Variants in MGMT observed in about 807,000 individuals in gnomAD.
The protein encoded by MGMT is methylated-DNA--protein-cysteine methyltransferase.
MGMT carries 14 observed loss-of-function variants against 15.9 expected under a neutral mutation model. The observed-to-expected ratio is 0.88, with a 90% confidence interval of 0.58 to 1.37. MGMT has a LOEUF of 1.37. Among genes scored for constraint, MGMT ranks in the 40% most tolerant of loss-of-function variants. The pLI is 0.00. For synonymous variants in MGMT, 130 were observed against 118.2 expected, an observed-to-expected ratio of 1.10 and a Z score of -0.65; for missense variants, 282 against 268.1, an observed-to-expected ratio of 1.05 and a Z score of -0.36.
At chr10:129,719,421 A>T (rs1354196947) in intron 3 of MGMT, among the ~76,000 whole-genome samples, 1 of 152,220 alleles carries the variant, frequency 6.6e-6, no homozygotes, top group Non-Finnish European at 1.5e-5. Flanking sequence ...GGCTGCCAAA[A>T]CAAAGTGATG....
intron 1 of MGMT, among the ~76,000 whole-genome samples, chr10:129,505,715 G>T (rs898210116): frequency 6.6e-6 from 1 of 152,162 alleles, no homozygotes; most frequent in African/African-American, 2.4e-5. Context: ...GACAGCTTTT[G>T]TAAAGTTTCA....
chr10:129,711,372 T>G lies in MGMT; in HGVS notation c.274+3329T>G, dbSNP rs532183946. On this transcript the variant is annotated intron_variant, in intron 3 of 4. Coordinates refer to ENST00000651593, the MANE Select transcript of MGMT (RefSeq NM_002412.5). ...AGACAGGTTAGTAGCTAGGTAGCTGTTGAAGTATTTCTGCCAAGGGACAGT... is the reference window on the plus strand; with the variant it reads ...AGACAGGTTAGTAGCTAGGTAGCTGGTGAAGTATTTCTGCCAAGGGACAGT... Among the ~76,000 whole-genome samples the G allele has an allele frequency of 5.3e-5, 8 of 152,360 alleles. No homozygotes were observed. The East Asian group carries it at 1.5e-3, about 29-fold the overall frequency.
intron 4 of MGMT, among the ~76,000 whole-genome samples, chr10:129,760,177 G>C (rs940021411): frequency 6.6e-6 from 1 of 152,202 alleles, no homozygotes; most frequent in East Asian, 1.9e-4. Context: ...GCTGGGCCGC[G>C]GGCCATCTGG....
chr10:129,606,487 G>A (rs1243086289), intron 2 of MGMT, among the ~76,000 whole-genome samples: 1 of 152,222 alleles, frequency 6.6e-6, no homozygotes, highest in African/African-American at 2.4e-5. Flanking sequence ...TAAACATGCT[G>A]TGGGCACCGA....
chr10:129,489,392 G>A (rs997891403), intron 1 of MGMT, among the ~76,000 whole-genome samples: 3 of 147,310 alleles, frequency 2.0e-5, no homozygotes, highest in African/African-American at 7.6e-5. Context: ...AAAAATTGGT[G>A]AGTAAATCCT....
At chr10:129,548,448 T>C (rs1846120241) in intron 2 of MGMT, among the ~76,000 whole-genome samples, 1 of 152,264 alleles carries the variant, frequency 6.6e-6, no homozygotes, top group Non-Finnish European at 1.5e-5. Flanking sequence ...TATTTTATCC[T>C]TTTCAGTGGC....
At chr10:129,539,078 C>G (rs1388000312) in intron 2 of MGMT, among the ~76,000 whole-genome samples, 1 of 152,012 alleles carries the variant, frequency 6.6e-6, no homozygotes, top group Non-Finnish European at 1.5e-5. Flanking sequence ...TTTTGTTTTT[C>G]CAATAGTGTC....
chr10:129,759,557 G>C lies in MGMT; in HGVS notation c.414+216G>C, dbSNP rs562018660. 1.2e-4 allele frequency among the ~76,000 whole-genome samples: 19 copies of C among 152,272 alleles called. No homozygotes were observed. In the South Asian group the frequency reaches 2.3e-3, roughly 18 times the overall value. ...TCCTGGAAGCTCCCCCCTACCGGGAGCACATCTCCACTGCATGAGCTCCTG... is the reference window on the plus strand; with the variant it reads ...TCCTGGAAGCTCCCCCCTACCGGGACCACATCTCCACTGCATGAGCTCCTG... On this transcript the variant is annotated intron_variant, in intron 4 of 4. Coordinates refer to ENST00000651593, the MANE Select transcript of MGMT (RefSeq NM_002412.5).
chr10:129,547,724 GCT>G (rs1384690813), intron 2 of MGMT, among the ~76,000 whole-genome samples: 1 of 152,220 alleles, frequency 6.6e-6, no homozygotes, highest in Admixed American at 6.5e-5. Flanking sequence ...ATTAGGAAAT[GCT>G]CTGTCTCTGC....
At chr10:129,694,341 G>A (rs1280163072) in intron 2 of MGMT, 1 of 152,266 alleles carries the variant, frequency 6.6e-6, no homozygotes, top group Non-Finnish European at 1.5e-5. Context: ...GCATTGTTTT[G>A]CTGGAAAATC....
chr10:129,657,974 A>G (rs1847551783), intron 2 of MGMT, among the ~76,000 whole-genome samples: 1 of 152,092 alleles, frequency 6.6e-6, no homozygotes, highest in Non-Finnish European at 1.5e-5. Flanking sequence ...GTAAATGTAT[A>G]TTTAATGTGG....
rs376018074 is a variant in MGMT, at chr10:129,682,629, A to G, written c.126-25266A>G. Among the ~76,000 whole-genome samples the G allele has an allele frequency of 5.9e-5, 9 of 152,302 alleles. No homozygotes were observed. In the South Asian group the frequency reaches 1.9e-3, roughly 32 times the overall value. On this transcript the variant is annotated intron_variant, in intron 2 of 4. Coordinates refer to ENST00000651593, the MANE Select transcript of MGMT (RefSeq NM_002412.5). ...TTAAAAGTCCATTAAAAATAAAAAT[A>G]CATAAGAATTTAAAATGTTTGTAAA...
chr10:129,628,150 G>A (rs1186324027), intron 2 of MGMT, among the ~76,000 whole-genome samples: 1 of 152,128 alleles, frequency 6.6e-6, no homozygotes, highest in Non-Finnish European at 1.5e-5. Context: ...GCTTTGGGGT[G>A]TTTTCTACCG....
chr10:129,733,128 G>A (rs1254471791), intron 3 of MGMT, among the ~76,000 whole-genome samples: 13 of 140,426 alleles, frequency 9.3e-5, no homozygotes, highest in East Asian at 2.2e-4. Context: ...CTGAGGAATC[G>A]CCACACTGAC....
chr10:129,649,993 G>A (rs538433217), intron 2 of MGMT, among the ~76,000 whole-genome samples: 6 of 152,028 alleles, frequency 3.9e-5, no homozygotes, highest in South Asian at 2.1e-4. Context: ...TCCCTTTCTC[G>A]TGGAGATCGG....
At chr10:129,644,585 A>C (rs1847365129) in intron 2 of MGMT, among the ~76,000 whole-genome samples, 1 of 152,134 alleles carries the variant, frequency 6.6e-6, no homozygotes, top group Non-Finnish European at 1.5e-5. Flanking sequence ...GAGCCCGTGG[A>C]AGGGCCGAGC....
intron 2 of MGMT, among the ~76,000 whole-genome samples, chr10:129,702,386 G>A (rs1274682064): frequency 6.6e-6 from 1 of 152,202 alleles, no homozygotes; most frequent in Non-Finnish European, 1.5e-5. Context: ...CCAAGTCAAA[G>A]AAAGTGAAAG....
At chr10:129,664,625 G>C (rs1438893829) in intron 2 of MGMT, among the ~76,000 whole-genome samples, 4 of 152,216 alleles carry the variant, frequency 2.6e-5, no homozygotes, top group Non-Finnish European at 5.9e-5. Context: ...CACTGAAAAG[G>C]ATCTTGTGCA....
intron 3 of MGMT, among the ~76,000 whole-genome samples, chr10:129,712,755 C>T (rs763002204): frequency 1.1e-4 from 16 of 152,130 alleles, no homozygotes; most frequent in East Asian, 1.9e-4. Flanking sequence ...GGGTCCTCAC[C>T]GGAGCCAGCC....
Sources: gnomAD v4.1 joint callset for allele counts (sites outside exome capture counted in the v4.1 genomes callset) on GRCh38, gnomAD v4.1.1 for gene constraint, MANE v1.5 for transcripts, NCBI Gene and HGNC (gene_info 2026-07-23, HGNC 2026-07-21) for gene names.